The following PADI1 variants were observed in gnomAD, a reference collection of about 807,000 sequenced individuals.
PADI1 encodes protein-arginine deiminase type-1.
A neutral mutation model predicts 74.8 loss-of-function variants in PADI1; 65 were observed. The ratio of observed to expected loss-of-function variants is 0.87; its 90% CI spans 0.71 to 1.07. PADI1 has a LOEUF of 1.07. Among genes scored for constraint, PADI1 ranks in the 50% least tolerant of loss-of-function variants. The pLI is 0.00. For synonymous variants in PADI1, 371 were observed against 336.2 expected, an observed-to-expected ratio of 1.10 and a Z score of -1.13; for missense variants, 943 against 854.0, an observed-to-expected ratio of 1.10 and a Z score of -1.30.
At chr1:17,239,887 T>G in intron 14 of PADI1, 104 bp downstream of exon 14, 1 of 907,114 alleles carries the variant, frequency 1.1e-6, no homozygotes, top group Non-Finnish European at 1.8e-6. Context: ...GGAGCTCTCA[T>G]GGTCCTGGGG....
In PADI1 at chr1:17,223,694, G is replaced by C; in HGVS notation, c.346+1G>C. 1 of 1,613,360 alleles carries C rather than the reference G, an allele frequency of 6.2e-7. No individual in the cohort carries two copies. Among genetic ancestry groups the C allele is most frequent in the South Asian group, 1.1e-5 (1 of 91,052 alleles). ...AGCGTGCTTTACCTCACTGGCGTCGGTAAGTAGCAGCTCCCTGGCTGCCCA... is the reference window on the plus strand; with the variant it reads ...AGCGTGCTTTACCTCACTGGCGTCGCTAAGTAGCAGCTCCCTGGCTGCCCA... On this transcript the variant is annotated splice_donor_variant, in intron 3 of 15. Coordinates refer to ENST00000375471, the MANE Select transcript of PADI1 (RefSeq NM_013358.3). LOFTEE classifies it high-confidence loss of function.
rs1443529312 is a variant in PADI1, at chr1:17,244,263, C to T, written c.*20C>T. On this transcript the variant is annotated 3_prime_UTR_variant, in exon 16 of 16. Coordinates refer to ENST00000375471, the MANE Select transcript of PADI1 (RefSeq NM_013358.3). ...CCCTGAGCCTGCCCCCACCCGCCATCCTCTCTGCCCTCTTGCTAGGGAACC... is the reference window on the plus strand; with the variant it reads ...CCCTGAGCCTGCCCCCACCCGCCATTCTCTCTGCCCTCTTGCTAGGGAACC... 3 of 1,568,844 alleles carry T rather than the reference C, an allele frequency of 1.9e-6. No individual in the cohort carries two copies. The highest frequency in any genetic ancestry group is 4.5e-5 in the East Asian group (2 of 44,692).
In PADI1 at chr1:17,240,641, A is replaced by C. The variant is rs1378305895; in HGVS notation, c.1639A>C (p.Ile547Leu). 6.2e-7 allele frequency: 1 copy of C among 1,613,982 alleles called. No individual in the cohort carries two copies. Among genetic ancestry groups the C allele is most frequent in the East Asian group, 2.2e-5 (1 of 44,874 alleles). ...QRDNLHAQKC[I>L]DWNRNVLKRE... is the part of the protein sequence containing the mutation. The stretch of plus-strand genomic sequence containing the variant: ...CAGCTGCCTCCTTCCCCAGAAATGC[A>C]TTGACTGGAACCGTAATGTGCTGAA... Residue 547 changes from isoleucine to leucine, a missense_variant, in exon 15 of 16, where the codon ATT becomes CTT. By Grantham distance (5) the Ile-to-Leu change is conservative. Coordinates refer to ENST00000375471, the MANE Select transcript of PADI1 (RefSeq NM_013358.3).
chr1:17,239,748 G>A lies in PADI1; in HGVS notation c.1597G>A (p.Asp533Asn). 3 of 1,614,084 alleles carry A rather than the reference G, an allele frequency of 1.9e-6. No homozygotes were observed. Among genetic ancestry groups the A allele is most frequent in the Non-Finnish European group, 2.5e-6 (3 of 1,179,906 alleles). The stretch of plus-strand genomic sequence containing the variant: ...AAGAAGCATTAATGAGATGCTGGCA[G>A]ACAGACACCTCCAGAGAGACAATCT... The part of the protein sequence containing the change: ...AKRSINEMLA[D>N]RHLQRDNLHA... The change falls in exon 14 of 16, where the codon GAC becomes AAC. Residue 533 changes from aspartate (D) to asparagine (N), a missense_variant. Transcript: ENST00000375471.
chr1:17,230,578 A>G lies in PADI1; in HGVS notation c.1060A>G (p.Met354Val). 6.2e-7 allele frequency: 1 copy of G among 1,606,220 alleles called. No individual in the cohort carries two copies. The highest frequency in any genetic ancestry group is 8.5e-7 in the Non-Finnish European group (1 of 1,176,082). The change falls in exon 10 of 16, where the codon ATG (methionine) becomes GTG (valine). Residue 354 changes from methionine (M) to valine (V), a missense_variant. Met to Val is a conservative substitution (Grantham distance 21, BLOSUM62 1). Transcript: ENST00000375471. ...NRNDRWIQDE[M>V]EFGYIEAPHK... is the part of the protein sequence containing the mutation. ...TTCATCTCTCCCCTCCCAGGACGAGATGGAGTTTGGCTACATCGAGGCCCC... is the reference window on the plus strand; with the variant it reads ...TTCATCTCTCCCCTCCCAGGACGAGGTGGAGTTTGGCTACATCGAGGCCCC...
intron 1 of PADI1, among the ~76,000 whole-genome samples, chr1:17,219,383 G>A (rs1244282119): frequency 1.3e-5 from 2 of 152,166 alleles, no homozygotes; most frequent in Non-Finnish European, 2.9e-5. Context: ...TTGCACTGGT[G>A]TGTTAGGAGT....
At chr1:17,233,472 C>G (rs1488329178) in intron 11 of PADI1, among the ~76,000 whole-genome samples, 1 of 152,226 alleles carries the variant, frequency 6.6e-6, no homozygotes, top group African/African-American at 2.4e-5. Context: ...ACCCTGATGA[C>G]AGAGGTGAGT....
At chr1:17,215,951 T>C (rs895477484) in intron 1 of PADI1, among the ~76,000 whole-genome samples, 2 of 152,132 alleles carry the variant, frequency 1.3e-5, no homozygotes, top group African/African-American at 4.8e-5. Flanking sequence ...CATGGTGTCA[T>C]TTGTGTCACG....
At chr1:17,222,073 G>A (rs969164479) in intron 1 of PADI1, among the ~76,000 whole-genome samples, 1 of 152,216 alleles carries the variant, frequency 6.6e-6, no homozygotes, top group Non-Finnish European at 1.5e-5. Context: ...GATCTGGAAA[G>A]GACTTGGGTG....
At chr1:17,236,968 A>C (rs1262533835) in intron 11 of PADI1, among the ~76,000 whole-genome samples, 1 of 152,190 alleles carries the variant, frequency 6.6e-6, no homozygotes, top group African/African-American at 2.4e-5. Flanking sequence ...CCTGGAGCCA[A>C]GTGAGCAAGG....
intron 1 of PADI1, among the ~76,000 whole-genome samples, chr1:17,209,446 G>A (rs16823620): frequency 0.024 from 3,646 of 152,290 alleles, 165 homozygotes; most frequent in African/African-American, 0.081. Flanking sequence ...GAATGGAAGA[G>A]GGTAGCATTC....
chr1:17,209,158 C>T (rs78268682), intron 1 of PADI1, among the ~76,000 whole-genome samples: 1,544 of 152,308 alleles, frequency 0.01, 27 homozygotes, highest in African/African-American at 0.035. Context: ...ATGCTTTTAA[C>T]TCGCACAGAA....
chr1:17,215,133 T>G (rs2071941081), intron 1 of PADI1, among the ~76,000 whole-genome samples: 1 of 152,138 alleles, frequency 6.6e-6, no homozygotes. Flanking sequence ...AGGTGTCTCC[T>G]GCAGGAAGCC....
At chr1:17,212,638 C>T (rs79007379) in intron 1 of PADI1, among the ~76,000 whole-genome samples, 2,953 of 152,202 alleles carry the variant, frequency 0.019, 111 homozygotes, top group African/African-American at 0.067. Context: ...GTTGCAGCCA[C>T]GCAAAAGGAA....
chr1:17,230,829 G>A (rs2072471035), intron 10 of PADI1, 150 bp downstream of exon 10: 7 of 601,278 alleles, frequency 1.2e-5, no homozygotes, highest in Non-Finnish European at 2.0e-5. Context: ...GCAAACTGGG[G>A]AGCCAGTGCG....
intron 11 of PADI1, among the ~76,000 whole-genome samples, chr1:17,234,911 GT>G (rs2072591481): frequency 6.6e-6 from 1 of 152,110 alleles, no homozygotes; most frequent in African/African-American, 2.4e-5. Flanking sequence ...GAGGCCAGGA[GT>G]TTGGGACCAG....
chr1:17,233,894 T>A (rs4920576), intron 11 of PADI1, among the ~76,000 whole-genome samples: 60,484 of 151,984 alleles, frequency 0.4, 12,674 homozygotes, highest in African/African-American at 0.52. Context: ...CGTAACTGGG[T>A]GCCCAGACAG....
chr1:17,230,056 G>A (rs767919222), intron 8 of PADI1, 29 bp from the exon 9 acceptor site: 2 of 1,603,620 alleles, frequency 1.2e-6, no homozygotes, highest in East Asian at 2.2e-5. Context: ...GAGGCCATTA[G>A]CATGCTCCCC....
intron 1 of PADI1, 146 bp from the exon 2 acceptor site, chr1:17,222,144 G>A: frequency 1.6e-6 from 1 of 623,248 alleles, no homozygotes; most frequent in East Asian, 2.7e-5. Context: ...CTCCTGGCCA[G>A]TGGCACTGCC....
Sources: gnomAD v4.1 joint callset for allele counts (sites outside exome capture counted in the v4.1 genomes callset) on GRCh38, gnomAD v4.1.1 for gene constraint, MANE v1.5 for transcripts, NCBI Gene and HGNC (gene_info 2026-07-23, HGNC 2026-07-21) for gene names.